The following CDK14 variants were observed in gnomAD, a reference collection of about 807,000 sequenced individuals.
CDK14 encodes the protein cyclin dependent kinase 14, also known as cyclin-dependent kinase 14.
In CDK14, 34 loss-of-function variants were observed where a neutral mutation model predicts 60.7. The ratio of observed to expected loss-of-function variants is 0.56; its 90% confidence interval spans 0.43 to 0.75. The LOEUF is 0.75. Among genes scored for constraint, CDK14 ranks in the 30% least tolerant of loss-of-function variants. CDK14 has a pLI of 0.00. For synonymous variants in CDK14, 197 were observed against 203.7 expected, an observed-to-expected ratio of 0.97 and a Z score of 0.28; for missense variants, 482 against 564.1, an observed-to-expected ratio of 0.85 and a Z score of 1.47.
intron 8 of CDK14, among the ~76,000 whole-genome samples, chr7:90,926,075 ATAT>A (rs1793407164): frequency 6.6e-6 from 1 of 152,178 alleles, no homozygotes; most frequent in Admixed American, 6.5e-5. Flanking sequence ...ATTATTCCTA[ATAT>A]TATTGTTACC....
At chr7:91,068,981 G>A (rs188363983) in intron 11 of CDK14, among the ~76,000 whole-genome samples, 27 of 152,020 alleles carry the variant, frequency 1.8e-4, no homozygotes, top group Non-Finnish European at 3.8e-4. Context: ...GGGAATGCAA[G>A]CCCCCTGCAA....
chr7:90,629,666 C>G (rs1309278404), intron 2 of CDK14, among the ~76,000 whole-genome samples: 1 of 152,146 alleles, frequency 6.6e-6, no homozygotes, highest in Non-Finnish European at 1.5e-5. Flanking sequence ...ATGCCTTTTG[C>G]AAAATCTTTG....
intron 2 of CDK14, among the ~76,000 whole-genome samples, chr7:90,661,798 A>T (rs541740535): frequency 2.4e-4 from 37 of 152,300 alleles, no homozygotes; most frequent in African/African-American, 7.9e-4. Flanking sequence ...TTATAAATGT[A>T]TTGAGGCTTG....
intron 14 of CDK14, among the ~76,000 whole-genome samples, chr7:91,135,683 G>T (rs1019213897): frequency 9.2e-5 from 14 of 152,134 alleles, no homozygotes; most frequent in Non-Finnish European, 1.8e-4. Flanking sequence ...CCTTGAGGTT[G>T]TCCTAGCAAA....
chr7:91,061,334 C>T (rs112152938), intron 11 of CDK14, among the ~76,000 whole-genome samples: 1,585 of 152,244 alleles, frequency 0.01, 23 homozygotes, highest in African/African-American at 0.034. Context: ...ACTTGTTTGC[C>T]GTGGGTTCGA....
At chr7:91,025,098 G>A (rs947740162) in intron 10 of CDK14, among the ~76,000 whole-genome samples, 8 of 152,202 alleles carry the variant, frequency 5.3e-5, no homozygotes, top group African/African-American at 1.9e-4. Context: ...GCCTTGTTAA[G>A]AAGTGGGAGG....
chr7:91,090,796 C>G (rs1375567397), intron 12 of CDK14, among the ~76,000 whole-genome samples: 1 of 152,058 alleles, frequency 6.6e-6, no homozygotes, highest in Non-Finnish European at 1.5e-5. Flanking sequence ...TCTTGGGTAT[C>G]CAGAATGGAG....
chr7:91,175,917 A>C (rs2115838193), intron 14 of CDK14, among the ~76,000 whole-genome samples: 1 of 150,394 alleles, frequency 6.6e-6, no homozygotes, highest in South Asian at 2.1e-4. Flanking sequence ...GAAAGTCAAC[A>C]AGGATACCCA....
Position 90,725,413 on chromosome 7 carries a change from A to G in CDK14, c.124-1154A>G, listed in dbSNP as rs1214144634. On this transcript the variant is annotated intron_variant, in intron 2 of 14. Transcript: ENST00000380050. ...TATATCTATCCATATACATAGCCGC[A>G]TTTATACCCCACATGGAGTCATTCT... is the stretch of plus-strand genomic sequence containing the variant. Among the ~76,000 whole-genome samples the G allele has an allele frequency of 2.0e-5, 3 of 152,272 alleles. No individual in the cohort carries two copies. In the East Asian group the frequency reaches 5.8e-4, roughly 29 times the overall value.
At chr7:90,819,763 G>A (rs931673086) in intron 5 of CDK14, among the ~76,000 whole-genome samples, 3 of 152,024 alleles carry the variant, frequency 2.0e-5, no homozygotes, top group Non-Finnish European at 4.4e-5. Flanking sequence ...TTCTCTGGAT[G>A]GGCAACAGAA....
intron 4 of CDK14, among the ~76,000 whole-genome samples, chr7:90,757,209 AGT>A (rs56790315): frequency 0.034 from 4,053 of 120,356 alleles, 99 homozygotes; most frequent in African/African-American, 0.079. Flanking sequence ...GCATTCTTCC[AGT>A]GTGTGTGTGT....
At chr7:91,150,366 CTAGT>C (rs1201217585) in intron 14 of CDK14, among the ~76,000 whole-genome samples, 4 of 152,136 alleles carry the variant, frequency 2.6e-5, no homozygotes, top group Non-Finnish European at 5.9e-5. Flanking sequence ...TTAGTGAAAG[CTAGT>C]TAGTCAATCC....
At chr7:90,728,950 A>C (rs567425982) in intron 3 of CDK14, among the ~76,000 whole-genome samples, 13 of 151,928 alleles carry the variant, frequency 8.6e-5, no homozygotes, top group Admixed American at 8.5e-4. Context: ...TATTTTTTTT[A>C]GGACATATAA....
chr7:90,995,477 G>C (rs1014973166), intron 10 of CDK14, among the ~76,000 whole-genome samples: 1 of 152,242 alleles, frequency 6.6e-6, no homozygotes, highest in East Asian at 1.9e-4. Context: ...ATAAGTGTTT[G>C]TTACTTAAAG....
intron 8 of CDK14, among the ~76,000 whole-genome samples, chr7:90,922,870 G>A (rs560560582): frequency 2.7e-4 from 41 of 152,028 alleles, no homozygotes; most frequent in East Asian, 2.5e-3. Context: ...AGCGTCTTAG[G>A]TTCACAGCAA....
intron 1 of CDK14, among the ~76,000 whole-genome samples, chr7:90,603,337 G>T (rs753653692): frequency 6.6e-6 from 1 of 152,018 alleles, no homozygotes. Context: ...TGGTGGTCCC[G>T]CAAGTTTACA....
intron 2 of CDK14, among the ~76,000 whole-genome samples, chr7:90,677,700 G>A (rs1190681645): frequency 2.6e-5 from 4 of 151,262 alleles, no homozygotes; most frequent in African/African-American, 9.7e-5. Context: ...AGCTGTGCCC[G>A]ATGCATTTAT....
intron 4 of CDK14, among the ~76,000 whole-genome samples, chr7:90,762,948 C>G (rs1467347821): frequency 6.6e-6 from 1 of 152,142 alleles, no homozygotes; most frequent in African/African-American, 2.4e-5. Flanking sequence ...CACTGCACTC[C>G]AGCCTGGGCA....
At chr7:90,952,658 T>C (rs1327480656) in intron 8 of CDK14, among the ~76,000 whole-genome samples, 1 of 152,210 alleles carries the variant, frequency 6.6e-6, no homozygotes. Flanking sequence ...GTTAGCACTT[T>C]GCTTTTTGTC....
Sources: allele counts gnomAD v4.1 joint callset (sites outside exome capture counted in the v4.1 genomes callset), GRCh38; gene constraint gnomAD v4.1.1; transcripts MANE v1.5; gene names NCBI Gene and HGNC (gene_info 2026-07-23, HGNC 2026-07-21).